Variants in AMPD3 observed in about 807,000 individuals in gnomAD.
AMPD3 encodes adenosine monophosphate deaminase 3, also known as AMP deaminase 3.
A neutral mutation model predicts 82.3 loss-of-function variants in AMPD3; 57 were observed. The observed-to-expected ratio is 0.69, with a 90% confidence interval of 0.56 to 0.86. The LOEUF is 0.86. Ranked by LOEUF, AMPD3 falls within the 40% of genes least tolerant of loss-of-function variation. The probability of loss-of-function intolerance (pLI) is 0.00; values close to 1 mark genes in which losing one functional copy is unlikely to be tolerated. For synonymous variants in AMPD3, 381 were observed against 394.7 expected (o/e 0.97, Z 0.41); for missense variants, 870 against 1,003.8 (o/e 0.87, Z 1.80).
At position 10,501,610 on chromosome 11, in the gene AMPD3, G is replaced by A; in HGVS notation, c.1842+20G>A. On this transcript the variant is annotated intron_variant, in intron 12 of 14. Transcript: ENST00000396553. ...AAGAAGGTAACCAGGTCACTCTCGG[G>A]AGCCCGTCCTGAGTGACTGCCCTGC... The A allele has an allele frequency of 6.2e-7, 1 of 1,614,128 alleles. No individual in the cohort carries two copies.
intron 11 of AMPD3, 59 bp downstream of exon 11, chr11:10,500,308 C>T (rs1453154970): frequency 6.4e-7 from 1 of 1,556,660 alleles, no homozygotes; most frequent in South Asian, 1.1e-5. Context: ...TGCACGCATG[C>T]ACACACATGC....
chr11:10,450,630 C>A (rs1020453870), upstream of AMPD3: 36 of 997,542 alleles, frequency 3.6e-5, no homozygotes, highest in Non-Finnish European at 4.2e-5. Flanking sequence ...CCGCGGAGCC[C>A]AGGAGGCGGC....
At chr11:10,477,141 G>A (rs1426868055) in intron 2 of AMPD3, 2 of 983,066 alleles carry the variant, frequency 2.0e-6, no homozygotes, top group Non-Finnish European at 1.2e-6. Flanking sequence ...GAGGAAGAGA[G>A]CTGCTTCTGG....
At chr11:10,473,383 G>A (rs1248505921) in intron 2 of AMPD3, 2 of 985,248 alleles carry the variant, frequency 2.0e-6, no homozygotes, top group East Asian at 2.3e-4. Context: ...AGGAAGGGCA[G>A]CTGGGAAGGA....
intron 2 of AMPD3, among the ~76,000 whole-genome samples, chr11:10,462,240 T>C (rs1371334525): frequency 1.3e-5 from 2 of 152,280 alleles, no homozygotes; most frequent in East Asian, 1.9e-4. Flanking sequence ...AGGGTCCAAC[T>C]AGAAGATCAG....
Position 10,483,696 on chromosome 11 carries a change from C to T in AMPD3, c.590-1124C>T, listed in dbSNP as rs546932997. 4.6e-5 allele frequency among the ~76,000 whole-genome samples: 7 copies of T among 152,344 alleles called. No homozygotes were observed. The South Asian group carries it at 1.0e-3, about 23-fold the overall frequency. On this transcript the variant is annotated intron_variant, in intron 4 of 14. Transcript: ENST00000396553. ...AGGGCCTCCTGAGCTGGCCTGTGGC[C>T]GTGCCTGATGGGGCATTCCCCTCTC...
In AMPD3 at chr11:10,455,820, G is replaced by C. The variant is rs376452386; in HGVS notation, c.-6+372G>C. ...GTTATGGGGTGCCCTTGGGAGGGCT[G>C]CTTTAGGGGGGCTTTCTGAGAAGAG... is the stretch of plus-strand genomic sequence containing the variant. On this transcript the variant is annotated intron_variant, in intron 1 of 14. Transcript: ENST00000396553. 22 of 836,772 alleles carry C rather than the reference G, an allele frequency of 2.6e-5. No homozygotes were observed. The African/African-American group carries it at 3.1e-4, about 12-fold the overall frequency. The allele number at this position is 836,772 out of a possible 1,614,324, so 51.8% of individuals were successfully genotyped here.
chr11:10,473,113 T>C (rs894062388), intron 2 of AMPD3, among the ~76,000 whole-genome samples: 1 of 151,966 alleles, frequency 6.6e-6, no homozygotes, highest in Admixed American at 6.6e-5. Context: ...GTACAAAAAA[T>C]ACAAAAATTA....
intron 1 of AMPD3, chr11:10,461,210 A>G: frequency 7.9e-7 from 1 of 1,262,236 alleles, no homozygotes; most frequent in Non-Finnish European, 1.0e-6. Flanking sequence ...TCAGGAGGGC[A>G]GGGCTGCCAG....
chr11:10,455,877 T>C (rs2133807587), intron 1 of AMPD3: 1 of 983,770 alleles, frequency 1.0e-6, no homozygotes, highest in Non-Finnish European at 1.2e-6. Context: ...ACCAATCCCC[T>C]TGATAAAATG....
At chr11:10,464,909 C>T (rs1045055271) in intron 2 of AMPD3, among the ~76,000 whole-genome samples, 20 of 152,304 alleles carry the variant, frequency 1.3e-4, no homozygotes, top group African/African-American at 4.6e-4. Context: ...GGGAGAGAGA[C>T]TTCTACAGGC....
chr11:10,505,870 G>A lies in AMPD3; in HGVS notation c.2290G>A (p.Ala764Thr), dbSNP rs767689124. ...SDAMKSEEIT[A>T]LTN The stretch of plus-strand genomic sequence containing the variant: ...TGCTATGAAATCAGAAGAGATCACC[G>A]CCTTGACCAACTAGGTCCAGCATTT... The change falls in exon 15 of 15, where the codon GCC becomes ACC. Residue 764 changes from alanine to threonine, a missense_variant. Ala to Thr is a moderately conservative substitution (Grantham distance 58, BLOSUM62 0). Coordinates refer to ENST00000396553, the MANE Select transcript of AMPD3 (RefSeq NM_001025389.2). The A allele has an allele frequency of 1.7e-5, 28 of 1,613,958 alleles. No individual in the cohort carries two copies. Among genetic ancestry groups the A allele is most frequent in the Non-Finnish European group, 2.1e-5 (25 of 1,180,028 alleles).
chr11:10,489,067 G>A (rs1291083429), intron 6 of AMPD3, among the ~76,000 whole-genome samples: 2 of 152,162 alleles, frequency 1.3e-5, no homozygotes, highest in African/African-American at 4.8e-5. Flanking sequence ...GAAGTGTTTT[G>A]GGGATTTCCA....
At chr11:10,502,222 G>GGGT in intron 12 of AMPD3, 1 of 985,390 alleles carries the variant, frequency 1.0e-6, no homozygotes, top group African/African-American at 1.7e-5. Context: ...TTTTTGGGTG[G>GGGT]GGTGGGTGCT....
At chr11:10,489,197 C>G (rs1033554907) in intron 6 of AMPD3, among the ~76,000 whole-genome samples, 5 of 152,208 alleles carry the variant, frequency 3.3e-5, no homozygotes, top group African/African-American at 9.6e-5. Flanking sequence ...ATGCCTCCAT[C>G]ACTGTGTGAA....
rs1397483894 is a variant in AMPD3 at position 10,456,198 on chromosome 11, AT to A, written c.-6+753del. On this transcript the variant is annotated intron_variant, in intron 1 of 14. Coordinates refer to ENST00000396553, the MANE Select transcript of AMPD3 (RefSeq NM_001025389.2). The surrounding 1 kb of genome is among the most constrained non-coding windows in gnomAD (Gnocchi z 4.3). ...ACTCATATTTCATATTCACGAGAGA[AT>A]TTCCAGCCCAGGCTTTTCCTGCTCT... 5 of 1,427,764 alleles carry A rather than the reference AT, an allele frequency of 3.5e-6. No individual in the cohort carries two copies. Among genetic ancestry groups the A allele is most frequent in the Non-Finnish European group, 4.6e-6 (5 of 1,092,438 alleles). 88.4% of individuals were successfully genotyped at this position (1,427,764 alleles called of 1,614,324 possible).
chr11:10,490,020 C>T (rs1284541077), intron 6 of AMPD3, among the ~76,000 whole-genome samples: 3 of 152,158 alleles, frequency 2.0e-5, no homozygotes, highest in African/African-American at 7.2e-5. Context: ...GGGAGGAGAG[C>T]TGCTTTCTAA....
At chr11:10,478,294 C>T (rs1231405044) in intron 2 of AMPD3, 7 of 985,394 alleles carry the variant, frequency 7.1e-6, no homozygotes, top group Non-Finnish European at 8.4e-6. Context: ...GTGCAAACAG[C>T]CCTGAGCAGT....
intron 10 of AMPD3, among the ~76,000 whole-genome samples, chr11:10,498,206 G>A (rs1849474811): frequency 6.6e-6 from 1 of 152,088 alleles, no homozygotes; most frequent in African/African-American, 2.4e-5. Flanking sequence ...CAAAGTGTGG[G>A]GCTTGGTGAG....
Sources: gnomAD v4.1 joint callset for allele counts (sites outside exome capture counted in the v4.1 genomes callset) on GRCh38, gnomAD v4.1.1 for gene constraint, Gnocchi (gnomAD v3.1) non-coding constraint, MANE v1.5 for transcripts, NCBI Gene and HGNC (gene_info 2026-07-23, HGNC 2026-07-21) for gene names.